MICU1: variants seen among roughly 807,000 people sequenced by gnomAD.
The protein encoded by MICU1 is mitochondrial calcium uptake 1.
Under a neutral mutation model 56.8 loss-of-function variants are expected in MICU1, and 45 were observed. The observed-to-expected ratio is 0.79, with a 90% CI of 0.62 to 1.02. The LOEUF (loss-of-function observed/expected upper bound fraction) is 1.02, where lower values mean the gene tolerates loss of function less well. MICU1 is among the 50% of genes least tolerant of loss of function. The pLI is 0.00. For missense variants in MICU1, 504 were observed against 587.1 expected (o/e 0.86, Z 1.46); for synonymous variants, 186 against 195.1 (o/e 0.95, Z 0.39).
chr10:72,420,752 G>A lies in MICU1; in HGVS notation c.1071+2482C>T, dbSNP rs116131975. 9.6e-3 allele frequency among the ~76,000 whole-genome samples: 1,454 copies of A among 151,486 alleles called. 14 individuals are homozygous for A. The highest frequency in any genetic ancestry group is 0.033 in the East Asian group (169 of 5,142). ...TGCAGTAGCATGATCATAGCTAACT[G>A]CAGCTTCAACCTCCCCAGGCTCAGG... On this transcript the variant is annotated intron_variant, in intron 9 of 11. Coordinates refer to ENST00000361114, the MANE Select transcript of MICU1 (RefSeq NM_001195518.2).
intron 10 of MICU1, among the ~76,000 whole-genome samples, chr10:72,378,271 C>CA (rs985616800): frequency 6.6e-6 from 1 of 151,992 alleles, no homozygotes; most frequent in Non-Finnish European, 1.5e-5. Flanking sequence ...AAAACAAAAA[C>CA]AAAAAAACCC....
chr10:72,388,641 ATCAAAAGGACT>A (rs1862969319), intron 10 of MICU1, among the ~76,000 whole-genome samples: 1 of 152,230 alleles, frequency 6.6e-6, no homozygotes, highest in Admixed American at 6.5e-5. Context: ...ATCATAGTTT[ATCAAAAGGACT>A]TCATTCTCAC....
chr10:72,584,070 T>C (rs778474333), intron 1 of MICU1, among the ~76,000 whole-genome samples: 3 of 152,216 alleles, frequency 2.0e-5, no homozygotes, highest in Non-Finnish European at 4.4e-5. Context: ...ACAGAAATGT[T>C]AGATTTGAGA....
intron 8 of MICU1, among the ~76,000 whole-genome samples, chr10:72,431,260 A>G (rs1864522126): frequency 6.6e-6 from 1 of 152,088 alleles, no homozygotes; most frequent in African/African-American, 2.4e-5. Flanking sequence ...CCTCCTGAGT[A>G]GCAGGGATTG....
intron 5 of MICU1, among the ~76,000 whole-genome samples, chr10:72,527,731 T>C (rs1485664548): frequency 6.6e-6 from 1 of 152,188 alleles, no homozygotes; most frequent in Non-Finnish European, 1.5e-5. Flanking sequence ...TAATTATGTA[T>C]AAGCCTGGAA....
At chr10:72,578,421 C>CTT (rs34573464) in intron 1 of MICU1, among the ~76,000 whole-genome samples, 64,748 of 134,416 alleles carry the variant, frequency 0.48, 18,552 homozygotes, top group Non-Finnish European at 0.67. Context: ...CCATGCCTGG[C>CTT]TTTTTTTTTT....
chr10:72,617,814 A>G (rs530275610), intron 1 of MICU1, among the ~76,000 whole-genome samples: 1 of 152,148 alleles, frequency 6.6e-6, no homozygotes, highest in Non-Finnish European at 1.5e-5. Context: ...CCTGGGTGAC[A>G]GCACGAGACC....
intron 1 of MICU1, among the ~76,000 whole-genome samples, chr10:72,580,445 G>C (rs1046975073): frequency 6.7e-6 from 1 of 148,494 alleles, no homozygotes; most frequent in Non-Finnish European, 1.5e-5. Context: ...CCAAGCTTTT[G>C]CTGATTTATT....
At chr10:72,550,235 G>A (rs1239776287) in intron 4 of MICU1, among the ~76,000 whole-genome samples, 1 of 151,944 alleles carries the variant, frequency 6.6e-6, no homozygotes, top group African/African-American at 2.4e-5. Context: ...TCTATGTTTA[G>A]ATATGTTTGG....
intron 4 of MICU1, among the ~76,000 whole-genome samples, chr10:72,548,496 A>G (rs909058931): frequency 1.3e-5 from 2 of 152,224 alleles, no homozygotes; most frequent in Non-Finnish European, 1.5e-5. Flanking sequence ...GACACATGCA[A>G]AAGTATTTAC....
At chr10:72,437,737 T>C (rs981431750) in intron 8 of MICU1, among the ~76,000 whole-genome samples, 9 of 151,960 alleles carry the variant, frequency 5.9e-5, no homozygotes, top group African/African-American at 2.2e-4. Flanking sequence ...AAAAAAGCAG[T>C]GGTTGCAACC....
intron 4 of MICU1, among the ~76,000 whole-genome samples, chr10:72,544,143 C>T (rs1365792550): frequency 2.2e-5 from 3 of 138,036 alleles, no homozygotes; most frequent in Non-Finnish European, 4.8e-5. Flanking sequence ...TTCTGATTAC[C>T]GGTGCATGCA....
chr10:72,542,759 T>C (rs1484664746), intron 4 of MICU1, among the ~76,000 whole-genome samples: 3 of 152,228 alleles, frequency 2.0e-5, no homozygotes, highest in Non-Finnish European at 2.9e-5. Flanking sequence ...ACAGCCTTTT[T>C]TCGGTATCTG....
At chr10:72,584,900 A>T (rs1158064543) in intron 1 of MICU1, among the ~76,000 whole-genome samples, 1 of 152,174 alleles carries the variant, frequency 6.6e-6, no homozygotes, top group Non-Finnish European at 1.5e-5. Context: ...TGAAAAAATG[A>T]GCTATCAATA....
At chr10:72,544,105 A>C (rs1238797431) in intron 4 of MICU1, among the ~76,000 whole-genome samples, 1 of 128,308 alleles carries the variant, frequency 7.8e-6, no homozygotes, top group East Asian at 1.9e-4. Flanking sequence ...GCACTGTGAA[A>C]ATCCCTGTCC....
At chr10:72,527,604 C>T (rs1351921132) in intron 5 of MICU1, among the ~76,000 whole-genome samples, 1 of 152,094 alleles carries the variant, frequency 6.6e-6, no homozygotes, top group Non-Finnish European at 1.5e-5. Flanking sequence ...CTCAAGTAGC[C>T]TCCTAAAGCA....
At chr10:72,460,340 GCT>G (rs112684032) in intron 8 of MICU1, among the ~76,000 whole-genome samples, 6 of 151,112 alleles carry the variant, frequency 4.0e-5, no homozygotes, top group African/African-American at 7.3e-5. Context: ...ATTTTGCACA[GCT>G]CTCTCTCTCT....
chr10:72,623,300 C>CAAAAAAAAAAA (rs1164753291), intron 1 of MICU1, among the ~76,000 whole-genome samples: 2 of 55,858 alleles, frequency 3.6e-5, no homozygotes, highest in African/African-American at 8.0e-5. Flanking sequence ...GACTCCGTCT[C>CAAAAAAAAAAA]AAAAAAAAAA....
At chr10:72,402,996 G>C (rs891774297) in intron 10 of MICU1, among the ~76,000 whole-genome samples, 3 of 152,212 alleles carry the variant, frequency 2.0e-5, no homozygotes, top group Admixed American at 6.5e-5. Flanking sequence ...AGTGAGCCAA[G>C]ATGGCACCAT....
Sources: allele counts gnomAD v4.1 joint callset (sites outside exome capture counted in the v4.1 genomes callset), GRCh38; gene constraint gnomAD v4.1.1; transcripts MANE v1.5; gene names NCBI Gene and HGNC (gene_info 2026-07-23, HGNC 2026-07-21).